Variants in SGMS1 observed in about 807,000 individuals in gnomAD.
The protein encoded by SGMS1 is phosphatidylcholine:ceramide cholinephosphotransferase 1.
A neutral mutation model predicts 46.2 loss-of-function variants in SGMS1; 13 were observed. That is an observed-to-expected ratio of 0.28 (90% CI 0.18 to 0.45). The LOEUF (loss-of-function observed/expected upper bound fraction) is 0.45. Among genes scored for constraint, SGMS1 ranks in the 20% least tolerant of loss-of-function variants. The probability of loss-of-function intolerance (pLI) is 1.00; values close to 1 mark genes in which losing one functional copy is unlikely to be tolerated. For synonymous variants in SGMS1, 203 were observed against 187.8 expected, an observed-to-expected ratio of 1.08 and a Z score of -0.66; for missense variants, 324 against 519.9, an observed-to-expected ratio of 0.62 and a Z score of 3.66.
chr10:50,574,985 A>ATATATATATATATATATATAT (rs58462802), intron 2 of SGMS1, among the ~76,000 whole-genome samples: 99 of 142,844 alleles, frequency 6.9e-4, no homozygotes, highest in East Asian at 1.3e-3. Flanking sequence ...ATATATATAT[A>ATATATATATATATATATATAT]AAACAAAGTA....
intron 3 of SGMS1, among the ~76,000 whole-genome samples, chr10:50,514,141 CAT>C (rs1419878529): frequency 6.4e-4 from 97 of 152,190 alleles, no homozygotes; most frequent in African/African-American, 2.2e-3. Context: ...CCTGTGCCAA[CAT>C]GTCGTTGTGT....
intron 6 of SGMS1, among the ~76,000 whole-genome samples, chr10:50,428,239 G>A (rs1564910972): frequency 6.6e-6 from 1 of 152,134 alleles, no homozygotes; most frequent in African/African-American, 2.4e-5. Flanking sequence ...GGCAGAAGGA[G>A]CACCCCTAAC....
chr10:50,331,848 C>T lies in SGMS1; in HGVS notation c.624-4526G>A, dbSNP rs573752904. 3.9e-5 allele frequency among the ~76,000 whole-genome samples: 6 copies of T among 152,258 alleles called. No individual in the cohort carries two copies. In the East Asian group the frequency reaches 9.6e-4, roughly 24 times the overall value. On this transcript the variant is annotated intron_variant, in intron 7 of 10. Coordinates refer to ENST00000361781, the MANE Select transcript of SGMS1 (RefSeq NM_147156.4). ...CTCACCCTTCTGAAATGTGAGGACACAGGGAGAAAGCGCTATTTATGAACC... is the reference window on the plus strand; with the variant it reads ...CTCACCCTTCTGAAATGTGAGGACATAGGGAGAAAGCGCTATTTATGAACC...
intron 6 of SGMS1, among the ~76,000 whole-genome samples, chr10:50,355,128 A>G (rs1848118751): frequency 6.6e-6 from 1 of 152,256 alleles, no homozygotes; most frequent in African/African-American, 2.4e-5. Flanking sequence ...ATGCTGCTAT[A>G]AAGACACATG....
intron 2 of SGMS1, among the ~76,000 whole-genome samples, chr10:50,556,289 C>T (rs1838188806): frequency 6.6e-6 from 1 of 152,206 alleles, no homozygotes; most frequent in Non-Finnish European, 1.5e-5. Context: ...AAGCAGTATA[C>T]ACAACCACTG....
At chr10:50,503,309 G>C (rs566336113) in intron 3 of SGMS1, among the ~76,000 whole-genome samples, 7 of 152,348 alleles carry the variant, frequency 4.6e-5, no homozygotes, top group African/African-American at 1.7e-4. Flanking sequence ...ATTGTCCTAA[G>C]TGTAGCGGAG....
chr10:50,503,199 A>C (rs1201247913), intron 3 of SGMS1, among the ~76,000 whole-genome samples: 3 of 152,224 alleles, frequency 2.0e-5, no homozygotes, highest in Non-Finnish European at 4.4e-5. Flanking sequence ...TGGGGAAATG[A>C]TTACTTACTA....
rs564123249 is a variant in SGMS1 at position 50,596,168 on chromosome 10, T to C, written c.-683-5921A>G. 3.8e-4 allele frequency among the ~76,000 whole-genome samples: 55 copies of C among 143,708 alleles called. 1 individual carries two copies. The East Asian group carries it at 7.6e-3, about 20-fold the overall frequency. The allele number at this position is 143,708 out of a possible 152,430, so 94.3% of individuals were successfully genotyped here. A position where few individuals can be genotyped will look rare whatever the true frequency, so the allele number is the denominator to read the frequency against. ...AATAATTTTTAAAAGATCTTACTTG[T>C]ATCACGATTTTTTTTTTTTTTTTTT... On this transcript the variant is annotated intron_variant, in intron 1 of 10. Coordinates refer to ENST00000361781, the MANE Select transcript of SGMS1 (RefSeq NM_147156.4).
chr10:50,400,448 T>TATATATATATAC (rs1848919210), intron 6 of SGMS1, among the ~76,000 whole-genome samples: 1 of 106,106 alleles, frequency 9.4e-6, no homozygotes, highest in Non-Finnish European at 2.0e-5. Context: ...TATATATATA[T>TATATATATATAC]ATATAGCTAT....
intron 6 of SGMS1, among the ~76,000 whole-genome samples, chr10:50,365,426 T>C (rs909327763): frequency 3.3e-5 from 5 of 152,082 alleles, no homozygotes; most frequent in Non-Finnish European, 5.9e-5. Context: ...TTTTTAAAAT[T>C]TTATTTTACT....
intron 7 of SGMS1, among the ~76,000 whole-genome samples, chr10:50,333,207 G>A (rs1847655648): frequency 6.6e-6 from 1 of 152,170 alleles, no homozygotes; most frequent in Admixed American, 6.5e-5. Context: ...AAGAAGACCT[G>A]TGCTTTCTTG....
At chr10:50,507,090 C>T (rs1013425710) in intron 3 of SGMS1, among the ~76,000 whole-genome samples, 1 of 152,164 alleles carries the variant, frequency 6.6e-6, no homozygotes, top group African/African-American at 2.4e-5. Flanking sequence ...AAGCAACTGG[C>T]ACAAGATCAC....
At chr10:50,621,431 G>C (rs189219431) in intron 1 of SGMS1, among the ~76,000 whole-genome samples, 1 of 152,274 alleles carries the variant, frequency 6.6e-6, no homozygotes, top group African/African-American at 2.4e-5. Context: ...AATGTGCAAA[G>C]GTATTGATGC....
intron 6 of SGMS1, among the ~76,000 whole-genome samples, chr10:50,425,235 C>T (rs186038390): frequency 1.3e-5 from 2 of 152,286 alleles, no homozygotes; most frequent in African/African-American, 4.8e-5. Flanking sequence ...ATCCAGCAAT[C>T]CATTACTGCA....
At chr10:50,557,287 T>C (rs1371701692) in intron 2 of SGMS1, among the ~76,000 whole-genome samples, 1 of 152,196 alleles carries the variant, frequency 6.6e-6, no homozygotes, top group Non-Finnish European at 1.5e-5. Context: ...ATGTTGGAAG[T>C]ATTTTAAAAA....
chr10:50,464,374 A>G lies in SGMS1; in HGVS notation c.-455+2516T>C, dbSNP rs1353344290. ...GAAATGCAGCCAGCAGCTAGAAGCT[A>G]AAAAATAAGAACAAGGAAAGGTACT... is the stretch of plus-strand genomic sequence containing the variant. On this transcript the variant is annotated intron_variant, in intron 4 of 10. Coordinates refer to ENST00000361781, the MANE Select transcript of SGMS1 (RefSeq NM_147156.4). Among the ~76,000 whole-genome samples the G allele has an allele frequency of 1.9e-4, 29 of 152,186 alleles. 2 individuals are homozygous for G. The highest frequency in any genetic ancestry group is 1.9e-3 in the Admixed American group (29 of 15,276).
chr10:50,519,485 T>C (rs1242236791), intron 3 of SGMS1, among the ~76,000 whole-genome samples: 1 of 152,222 alleles, frequency 6.6e-6, no homozygotes, highest in African/African-American at 2.4e-5. Context: ...CTTTCCTACC[T>C]GGTTTATGTG....
At chr10:50,398,019 G>C (rs548052289) in intron 6 of SGMS1, among the ~76,000 whole-genome samples, 1 of 152,268 alleles carries the variant, frequency 6.6e-6, no homozygotes, top group Non-Finnish European at 1.5e-5. Flanking sequence ...GCTACACACA[G>C]AAAGTTTTCC....
intron 2 of SGMS1, among the ~76,000 whole-genome samples, chr10:50,581,557 A>G (rs1198625348): frequency 6.6e-6 from 1 of 152,158 alleles, no homozygotes; most frequent in African/African-American, 2.4e-5. Context: ...CAACGAAGGA[A>G]CTATTAATAT....
Sources: allele counts gnomAD v4.1 joint callset (sites outside exome capture counted in the v4.1 genomes callset), GRCh38; gene constraint gnomAD v4.1.1; transcripts MANE v1.5; gene names NCBI Gene and HGNC (gene_info 2026-07-23, HGNC 2026-07-21).